Variants in B3GALT1 observed in about 807,000 individuals in gnomAD.
The protein encoded by B3GALT1 is UDP-Gal:betaGlcNAc beta 1,3-galactosyltransferase, polypeptide 1.
B3GALT1 carries 10 observed loss-of-function variants against 23.2 expected under a neutral mutation model. The observed-to-expected ratio is 0.43, with a 90% confidence interval of 0.27 to 0.73. The LOEUF (loss-of-function observed/expected upper bound fraction) is 0.73, where lower values mean the gene tolerates loss of function less well. Among genes scored for constraint, B3GALT1 ranks in the 30% least tolerant of loss-of-function variants. B3GALT1 has a pLI of 0.21. For synonymous variants in B3GALT1, 156 were observed against 141.5 expected (o/e 1.10, Z -0.73); for missense variants, 299 against 405.4 (o/e 0.74, Z 2.25).
intron 2 of B3GALT1, among the ~76,000 whole-genome samples, chr2:167,615,691 A>G (rs1255338989): frequency 1.3e-5 from 2 of 152,264 alleles, no homozygotes; most frequent in Non-Finnish European, 2.9e-5. Flanking sequence ...GTTAAGATTT[A>G]GGACAGAATA....
chr2:167,566,033 T>C (rs1684157154), intron 2 of B3GALT1, among the ~76,000 whole-genome samples: 1 of 152,002 alleles, frequency 6.6e-6, no homozygotes, highest in African/African-American at 2.4e-5. Context: ...ATCATGCTGC[T>C]ATAAAGACAC....
chr2:167,453,046 A>G (rs1183014129), intron 1 of B3GALT1, among the ~76,000 whole-genome samples: 3 of 152,198 alleles, frequency 2.0e-5, no homozygotes, highest in Non-Finnish European at 4.4e-5. Context: ...TAAAGTATAT[A>G]TCTTTGTTAG....
intron 1 of B3GALT1, among the ~76,000 whole-genome samples, chr2:167,438,204 A>G (rs1277819763): frequency 6.6e-6 from 1 of 152,238 alleles, no homozygotes; most frequent in Non-Finnish European, 1.5e-5. Flanking sequence ...ATATCCCCAC[A>G]TAGACCACGA....
At chr2:167,431,244 A>G (rs78553947) in intron 1 of B3GALT1, among the ~76,000 whole-genome samples, 1,600 of 152,340 alleles carry the variant, frequency 0.011, 14 homozygotes, top group South Asian at 0.063. Flanking sequence ...ACTTAGGTAA[A>G]TGGGAAAATA....
chr2:167,693,156 A>G (rs1686740370), intron 3 of B3GALT1, among the ~76,000 whole-genome samples: 1 of 152,020 alleles, frequency 6.6e-6, no homozygotes, highest in Non-Finnish European at 1.5e-5. Context: ...GTCCCGGTGC[A>G]ATACCCTTTA....
intron 3 of B3GALT1, among the ~76,000 whole-genome samples, chr2:167,764,590 A>T: frequency 6.6e-6 from 1 of 152,234 alleles, no homozygotes; most frequent in East Asian, 1.9e-4. Context: ...ATGTAAAATG[A>T]ACACATTTTG....
At chr2:167,330,045 C>G (rs1464850881) in intron 1 of B3GALT1, among the ~76,000 whole-genome samples, 3 of 152,002 alleles carry the variant, frequency 2.0e-5, no homozygotes, top group Non-Finnish European at 2.9e-5. Context: ...CCTCCTGTAT[C>G]TTATTGTCTA....
rs569894388 is a variant in B3GALT1 at position 167,753,250 on chromosome 2, G to T, written c.-351-65422G>T. Among the ~76,000 whole-genome samples, 6 of 152,340 alleles carry T rather than the reference G, an allele frequency of 3.9e-5. No homozygotes were observed. In the South Asian group the frequency reaches 1.2e-3, roughly 32 times the overall value. On this transcript the variant is annotated intron_variant, in intron 3 of 4. Transcript: ENST00000392690. ...TAAACAGCAAAGCCCTCTCACACTT[G>T]TCCAGATTAGAGCAATACCCAGAGC...
intron 3 of B3GALT1, among the ~76,000 whole-genome samples, chr2:167,674,554 T>A (rs1418549313): frequency 2.0e-5 from 3 of 152,220 alleles, no homozygotes; most frequent in Non-Finnish European, 4.4e-5. Flanking sequence ...GCATATGACT[T>A]AACTAAATAG....
At chr2:167,669,010 T>C (rs577601045) in intron 3 of B3GALT1, among the ~76,000 whole-genome samples, 126 of 152,334 alleles carry the variant, frequency 8.3e-4, no homozygotes, top group Non-Finnish European at 1.5e-3. Context: ...CTCTGCCTTC[T>C]TTATATAAAG....
At chr2:167,384,684 C>T (rs939895553) in intron 1 of B3GALT1, among the ~76,000 whole-genome samples, 1 of 152,058 alleles carries the variant, frequency 6.6e-6, no homozygotes, top group Non-Finnish European at 1.5e-5. Context: ...TCAGGCCAAC[C>T]CTCAGCTTGT....
At chr2:167,597,099 T>C (rs1195366950) in intron 2 of B3GALT1, among the ~76,000 whole-genome samples, 1 of 148,626 alleles carries the variant, frequency 6.7e-6, no homozygotes, top group East Asian at 2.0e-4. Flanking sequence ...TGTTTTTTGG[T>C]TTTTGTTTTT....
chr2:167,850,776 A>G (rs1689867930), intron 4 of B3GALT1, among the ~76,000 whole-genome samples: 1 of 152,000 alleles, frequency 6.6e-6, no homozygotes, highest in African/African-American at 2.4e-5. Context: ...TAAGGATGTA[A>G]AGGCATAAGA....
chr2:167,848,649 G>T (rs200648395), intron 4 of B3GALT1, among the ~76,000 whole-genome samples: 1 of 152,124 alleles, frequency 6.6e-6, no homozygotes, highest in East Asian at 1.9e-4. Flanking sequence ...ACTGAATGGG[G>T]AAAAGTTGAA....
chr2:167,308,149 A>T (rs1315269900), intron 1 of B3GALT1, among the ~76,000 whole-genome samples: 1 of 152,020 alleles, frequency 6.6e-6, no homozygotes, highest in East Asian at 1.9e-4. Flanking sequence ...AACCTTAGGC[A>T]GTAGATGTTA....
intron 1 of B3GALT1, among the ~76,000 whole-genome samples, chr2:167,294,407 T>C (rs1696314891): frequency 6.6e-6 from 1 of 152,240 alleles, no homozygotes; most frequent in Non-Finnish European, 1.5e-5. Context: ...GATAAAGCTG[T>C]TGAGAGTTCC....
chr2:167,545,452 ACAT>A (rs922588460), intron 2 of B3GALT1, among the ~76,000 whole-genome samples: 2 of 152,238 alleles, frequency 1.3e-5, no homozygotes, highest in South Asian at 4.2e-4. Context: ...CTGGTTAAAA[ACAT>A]CAGGCTGCAG....
In B3GALT1 at chr2:167,572,265, C is replaced by T. The variant is rs549756350; in HGVS notation, c.-409-74644C>T. ...ATTCCTTCACTTTAATAACTTTCCA[C>T]GGAAAATATGTAAATGCTATCTGTT... On this transcript the variant is annotated intron_variant, in intron 2 of 4. Coordinates refer to ENST00000392690, the MANE Select transcript of B3GALT1 (RefSeq NM_020981.4). Among the ~76,000 whole-genome samples the T allele has an allele frequency of 4.0e-4, 60 of 151,784 alleles. No homozygotes were observed. In the South Asian group the frequency reaches 9.4e-3, roughly 24 times the overall value.
chr2:167,482,935 T>G (rs920790791), intron 1 of B3GALT1, among the ~76,000 whole-genome samples: 9 of 152,210 alleles, frequency 5.9e-5, no homozygotes, highest in African/African-American at 2.2e-4. Flanking sequence ...CTAATATTTT[T>G]TGGAGCCTCT....
Sources: allele counts gnomAD v4.1 joint callset (sites outside exome capture counted in the v4.1 genomes callset), GRCh38; gene constraint gnomAD v4.1.1; transcripts MANE v1.5; gene names NCBI Gene and HGNC (gene_info 2026-07-23, HGNC 2026-07-21).